Variants in SSH2 observed in about 807,000 individuals in gnomAD.
SSH2 encodes slingshot protein phosphatase 2, also known as protein phosphatase Slingshot homolog 2.
In SSH2, 37 loss-of-function variants were observed where a neutral mutation model predicts 135.2. The ratio of observed to expected loss-of-function variants is 0.27; its 90% confidence interval spans 0.21 to 0.36. The LOEUF (loss-of-function observed/expected upper bound fraction) is 0.36, where lower values mean the gene tolerates loss of function less well. Among genes scored for constraint, SSH2 ranks in the 10% least tolerant of loss-of-function variants. SSH2 has a pLI of 1.00. For synonymous variants in SSH2, 628 were observed against 646.2 expected (o/e 0.97, Z 0.43); for missense variants, 1,408 against 1,765.3 (o/e 0.80, Z 3.63).
At chr17:29,648,025 G>A (rs924161786) in intron 14 of SSH2, 119 bp downstream of exon 14, 15 of 970,894 alleles carry the variant, frequency 1.5e-5, no homozygotes, top group East Asian at 2.4e-5. Flanking sequence ...AGAGAAATAA[G>A]TCTTTTTTGA....
chr17:29,764,031 C>T (rs1015565415), intron 3 of SSH2, among the ~76,000 whole-genome samples: 6 of 151,890 alleles, frequency 4.0e-5, no homozygotes, highest in Admixed American at 2.6e-4. Context: ...CTCACTGCAA[C>T]CTCCACCTCG....
intron 3 of SSH2, among the ~76,000 whole-genome samples, chr17:29,736,182 C>A (rs535708085): frequency 3.3e-5 from 5 of 152,110 alleles, no homozygotes; most frequent in Non-Finnish European, 7.4e-5. Context: ...CAGTACTAGA[C>A]GTAACAGGAT....
intron 3 of SSH2, among the ~76,000 whole-genome samples, chr17:29,719,844 C>A (rs146353275): frequency 6.6e-6 from 1 of 152,266 alleles, no homozygotes; most frequent in South Asian, 2.1e-4. Context: ...GCAACCTCCG[C>A]CTCCTGGGTT....
chr17:29,800,371 G>A (rs536055445), intron 2 of SSH2, among the ~76,000 whole-genome samples: 8 of 152,202 alleles, frequency 5.3e-5, no homozygotes, highest in South Asian at 4.1e-4. Context: ...AGTAACTATC[G>A]GGTAATGCAG....
intron 11 of SSH2, among the ~76,000 whole-genome samples, chr17:29,659,649 G>C (rs1440964778): frequency 6.6e-6 from 1 of 152,046 alleles, no homozygotes; most frequent in East Asian, 1.9e-4. Flanking sequence ...TCAGCTTCTC[G>C]AGTAGCTGGG....
chr17:29,692,928 A>G (rs1038818399), intron 5 of SSH2, among the ~76,000 whole-genome samples: 5 of 152,180 alleles, frequency 3.3e-5, no homozygotes, highest in African/African-American at 1.2e-4. Context: ...TGTGATTCTG[A>G]TATACTTTAA....
At chr17:29,760,491 C>T (rs2151252481) in intron 3 of SSH2, among the ~76,000 whole-genome samples, 1 of 152,234 alleles carries the variant, frequency 6.6e-6, no homozygotes, top group South Asian at 2.1e-4. Context: ...ACAGCTAAAC[C>T]ACAGTGGAAT....
Position 29,685,827 on chromosome 17 carries a change from T to C in SSH2, c.358-1143A>G, listed in dbSNP as rs2038190554. Among the ~76,000 whole-genome samples, 3 of 151,056 alleles carry C rather than the reference T, an allele frequency of 2.0e-5. No individual in the cohort carries two copies. The East Asian group carries it at 5.8e-4, about 29-fold the overall frequency. On this transcript the variant is annotated intron_variant, in intron 5 of 15. Coordinates refer to ENST00000540801, the MANE Select transcript of SSH2 (RefSeq NM_001282129.2). Reference sequence around the variant, plus strand: ...GCTCAGTAATGAGTTTGTGAGGATGTACTTTCTTTCTTTCTTTTCTTTTTC... The same window carrying C: ...GCTCAGTAATGAGTTTGTGAGGATGCACTTTCTTTCTTTCTTTTCTTTTTC...
intron 14 of SSH2, chr17:29,643,207 G>A (rs778985105): frequency 3.5e-5 from 34 of 985,066 alleles, no homozygotes; most frequent in Admixed American, 6.2e-5. Context: ...GGTGCTGGGC[G>A]AGTCTGCTGG....
At chr17:29,722,094 G>C (rs545045611) in intron 3 of SSH2, among the ~76,000 whole-genome samples, 1 of 152,094 alleles carries the variant, frequency 6.6e-6, no homozygotes, top group African/African-American at 2.4e-5. Context: ...AGTCAAGATG[G>C]TGAAACCCCA....
chr17:29,804,367 A>G (rs2042302913), intron 2 of SSH2, among the ~76,000 whole-genome samples: 1 of 152,228 alleles, frequency 6.6e-6, no homozygotes, highest in Non-Finnish European at 1.5e-5. Context: ...GATGGTCAGC[A>G]ACAAGAAAGC....
chr17:29,914,306 A>C (rs1341695894), intron 1 of SSH2, among the ~76,000 whole-genome samples: 1 of 152,034 alleles, frequency 6.6e-6, no homozygotes. Flanking sequence ...CACACCTGTA[A>C]TCCCAACACT....
intron 2 of SSH2, among the ~76,000 whole-genome samples, chr17:29,812,309 G>T (rs539994247): frequency 2.0e-5 from 3 of 151,388 alleles, no homozygotes; most frequent in Non-Finnish European, 1.5e-5. Flanking sequence ...TTGAAGATAG[G>T]GTCTTATTTT....
intron 6 of SSH2, among the ~76,000 whole-genome samples, chr17:29,680,757 C>T (rs968937742): frequency 2.0e-5 from 3 of 151,808 alleles, no homozygotes; most frequent in Admixed American, 1.3e-4. Flanking sequence ...GTTTTGAAAA[C>T]GGCTTCCCAA....
At chr17:29,758,969 T>TG (rs995424203) in intron 3 of SSH2, among the ~76,000 whole-genome samples, 10 of 152,134 alleles carry the variant, frequency 6.6e-5, no homozygotes, top group African/African-American at 2.2e-4. Context: ...AGGATGGTCT[T>TG]GAACTCCTGG....
chr17:29,817,663 C>A (rs2042581059), intron 2 of SSH2, among the ~76,000 whole-genome samples: 3 of 152,142 alleles, frequency 2.0e-5, no homozygotes, highest in Non-Finnish European at 4.4e-5. Context: ...TTTCCAGGAC[C>A]CTCCTTCAGA....
intron 1 of SSH2, among the ~76,000 whole-genome samples, chr17:29,896,330 T>C (rs1176743306): frequency 9.3e-6 from 1 of 107,200 alleles, no homozygotes; most frequent in African/African-American, 3.5e-5. Context: ...ACATTTCATG[T>C]ATAAAATGTA....
intron 3 of SSH2, among the ~76,000 whole-genome samples, chr17:29,705,514 T>C (rs146362567): frequency 1.3e-3 from 198 of 152,300 alleles, no homozygotes; most frequent in African/African-American, 4.6e-3. Flanking sequence ...CTCGATTATC[T>C]ATCTACTCAC....
intron 3 of SSH2, among the ~76,000 whole-genome samples, chr17:29,706,284 A>G (rs1426142044): frequency 6.6e-6 from 1 of 152,234 alleles, no homozygotes; most frequent in East Asian, 1.9e-4. Context: ...ATCCTTTAAT[A>G]AAGTCCATGA....
Sources: allele counts gnomAD v4.1 joint callset (sites outside exome capture counted in the v4.1 genomes callset), GRCh38; gene constraint gnomAD v4.1.1; transcripts MANE v1.5; gene names NCBI Gene and HGNC (gene_info 2026-07-23, HGNC 2026-07-21).